The following ZNF268 variants were observed in gnomAD, a reference collection of about 807,000 sequenced individuals.
ZNF268 encodes the protein zinc finger protein 268.
ZNF268 carries 20 observed loss-of-function variants against 29.3 expected under a neutral mutation model. The observed-to-expected ratio is 0.68, with a 90% CI of 0.48 to 0.99. The LOEUF is 0.99. Among genes scored for constraint, ZNF268 ranks in the 50% least tolerant of loss-of-function variants. The probability of loss-of-function intolerance (pLI) is 0.00; values close to 1 mark genes in which losing one functional copy is unlikely to be tolerated. For synonymous variants in ZNF268, 429 were observed against 376.9 expected, an observed-to-expected ratio of 1.14 and a Z score of -1.60; for missense variants, 1,240 against 1,121.6, an observed-to-expected ratio of 1.11 and a Z score of -1.51.
chr12:133,200,599 G>T (rs1001642832), intron 5 of ZNF268, among the ~76,000 whole-genome samples: 1 of 151,672 alleles, frequency 6.6e-6, no homozygotes, highest in African/African-American at 2.4e-5. Context: ...GTTGTTTTGG[G>T]GCATCTATCT....
rs1332613482 is a variant in ZNF268 at position 133,202,328 on chromosome 12, T to A, written c.642T>A (p.Asp214Glu). 1 of 1,611,820 alleles carries A rather than the reference T, an allele frequency of 6.2e-7. No homozygotes were observed. Among genetic ancestry groups the A allele is most frequent in the Non-Finnish European group, 8.5e-7 (1 of 1,179,002 alleles). ...GTHGKSLKYIDFTSDYARNNP... is the reference protein window; with the variant it reads ...GTHGKSLKYIEFTSDYARNNP... ...ATGGAAAGAGTTTGAAATATATAGA[T>A]TTCACTAGTGATTATGCTAGAAATA... is the stretch of plus-strand genomic sequence containing the variant. The change falls in exon 6 of 6, where the codon GAT (aspartate) becomes GAA (glutamate). Residue 214 changes from aspartate (D) to glutamate (E), a missense_variant. Asp to Glu is a conservative substitution (Grantham distance 45). Transcript: ENST00000536435.
intron 5 of ZNF268, among the ~76,000 whole-genome samples, chr12:133,198,207 TTGTATAAGG>T (rs1380236183): frequency 6.7e-6 from 1 of 148,232 alleles, no homozygotes; most frequent in Non-Finnish European, 1.5e-5. Context: ...GAATTGATTT[TTGTATAAGG>T]TGTAAGGAAG....
Position 133,200,225 on chromosome 12 carries a change from G to C in ZNF268, c.458-1919G>C, listed in dbSNP as rs551836407. 3.9e-5 allele frequency among the ~76,000 whole-genome samples: 6 copies of C among 152,230 alleles called. No individual in the cohort carries two copies. In the South Asian group the frequency reaches 1.2e-3, roughly 32 times the overall value. On this transcript the variant is annotated intron_variant, in intron 5 of 5. Coordinates refer to ENST00000536435, the MANE Select transcript of ZNF268 (RefSeq NM_003415.3). ...TGTGTCCCAGAGATTCTGGTATGTT[G>C]TGTCTTTGTTCTCATTGGTTTCAAA...
At position 133,202,143 on chromosome 12, in the gene ZNF268, G is replaced by T; in HGVS notation, c.458-1G>T. 1 of 1,570,962 alleles carries T rather than the reference G, an allele frequency of 6.4e-7. No homozygotes were observed. Reference sequence around the variant, plus strand: ...ATGTGACCAATTGTTCTCATTTCTAGACACAGTCTGGAAAATTGATGATCT... The same window carrying T: ...ATGTGACCAATTGTTCTCATTTCTATACACAGTCTGGAAAATTGATGATCT... On this transcript the variant is annotated splice_acceptor_variant, in intron 5 of 5. Transcript: ENST00000536435. LOFTEE classifies it high-confidence loss of function.
chr12:133,204,716 A>C lies in ZNF268; in HGVS notation c.*186A>C, dbSNP rs1218796498. ...TGTTCTTTACATGCAAAAAGATAGT[A>C]GACAATACACAGGAAAACTGAATTT... On this transcript the variant is annotated 3_prime_UTR_variant, in exon 6 of 6. Coordinates refer to ENST00000536435, the MANE Select transcript of ZNF268 (RefSeq NM_003415.3). The C allele has an allele frequency of 2.9e-5, 14 of 484,516 alleles. No individual in the cohort carries two copies. Among genetic ancestry groups the C allele is most frequent in the East Asian group, 1.6e-4 (5 of 31,094 alleles). 30.0% of individuals were successfully genotyped at this position (484,516 alleles called of 1,614,324 possible). A position where few individuals can be genotyped will look rare whatever the true frequency, so the allele number is the denominator to read the frequency against.
At chr12:133,181,740 T>A (rs1344241460) in intron 1 of ZNF268, 54 bp downstream of exon 1, 1 of 542,516 alleles carries the variant, frequency 1.8e-6, no homozygotes, top group Non-Finnish European at 3.3e-6. Context: ...CTAATCTGCC[T>A]TAGCTCTCTC....
At chr12:133,196,821 A>G (rs1278098686) in intron 5 of ZNF268, among the ~76,000 whole-genome samples, 1 of 152,036 alleles carries the variant, frequency 6.6e-6, no homozygotes, top group Non-Finnish European at 1.5e-5. Context: ...CCCAGTGGGG[A>G]ATTGATGTTT....
intron 5 of ZNF268, among the ~76,000 whole-genome samples, chr12:133,201,871 TC>T (rs1350979503): frequency 6.6e-6 from 1 of 152,118 alleles, no homozygotes; most frequent in African/African-American, 2.4e-5. Flanking sequence ...CTTTTAAACT[TC>T]TTATCAGTTT....
At position 133,211,379 on chromosome 12, in the gene ZNF268, C is replaced by T. The variant is rs1172713490; in HGVS notation, c.*6849C>T. 1.8e-5 allele frequency: 5 copies of T among 282,490 alleles called. No individual in the cohort carries two copies. The highest frequency in any genetic ancestry group is 9.7e-5 in the Admixed American group (2 of 20,574). 17.5% of individuals were successfully genotyped at this position (282,490 alleles called of 1,614,324 possible). ...GGCAGATCACCTGAGGTCCGGAGTT[C>T]GAGACCAGCCTGACCAACATGGAGA... On this transcript the variant is annotated 3_prime_UTR_variant, in exon 6 of 6. Transcript: ENST00000536435.
Position 133,211,247 on chromosome 12 carries a change from A to G in ZNF268, c.*6717A>G. On this transcript the variant is annotated 3_prime_UTR_variant, in exon 6 of 6. Coordinates refer to ENST00000536435, the MANE Select transcript of ZNF268 (RefSeq NM_003415.3). Reference sequence around the variant, plus strand: ...TAAAATTGAACAAGAAGACAACCCAATTAAAAATGGGGACAGATCCAAATA... The same window carrying G: ...TAAAATTGAACAAGAAGACAACCCAGTTAAAAATGGGGACAGATCCAAATA... 2.8e-6 allele frequency: 1 copy of G among 355,708 alleles called. No homozygotes were observed. Among genetic ancestry groups the G allele is most frequent in the South Asian group, 2.2e-5 (1 of 46,066 alleles). 22.0% of individuals were successfully genotyped at this position (355,708 alleles called of 1,614,324 possible). A position where few individuals can be genotyped will look rare whatever the true frequency, so the allele number is the denominator to read the frequency against.
rs1956907138 is a variant in ZNF268, at chr12:133,206,860, A to G, written c.*2330A>G. Reference sequence around the variant, plus strand: ...TATCCCCCAATCTGGGAAATACTGTAAAGGTGTATATTATTATTGATGTAC... The same window carrying G: ...TATCCCCCAATCTGGGAAATACTGTGAAGGTGTATATTATTATTGATGTAC... On this transcript the variant is annotated 3_prime_UTR_variant, in exon 6 of 6. Transcript: ENST00000536435. 1 of 152,238 alleles carries G rather than the reference A, an allele frequency of 6.6e-6. No homozygotes were observed. The highest frequency in any genetic ancestry group is 1.5e-5 in the Non-Finnish European group (1 of 68,058). 9.4% of individuals were successfully genotyped at this position (152,238 alleles called of 1,614,324 possible). A position where few individuals can be genotyped will look rare whatever the true frequency, so the allele number is the denominator to read the frequency against.
intron 5 of ZNF268, among the ~76,000 whole-genome samples, chr12:133,201,150 T>G (rs535488515): frequency 6.6e-6 from 1 of 152,210 alleles, no homozygotes; most frequent in Admixed American, 6.5e-5. Flanking sequence ...TTGTTACCAT[T>G]AATGTTTTCA....
intron 2 of ZNF268, among the ~76,000 whole-genome samples, chr12:133,184,180 A>ACT (rs1346350923): frequency 6.0e-5 from 9 of 150,706 alleles, no homozygotes; most frequent in African/African-American, 2.2e-4. Flanking sequence ...ATCTTGGCTC[A>ACT]CTGCAACCTC....
At chr12:133,185,682 C>A (rs1797069592) in intron 2 of ZNF268, among the ~76,000 whole-genome samples, 1 of 151,758 alleles carries the variant, frequency 6.6e-6, no homozygotes, top group African/African-American at 2.4e-5. Context: ...TTTCCAAAGA[C>A]CCTTCTGAGT....
chr12:133,191,862 T>G, intron 4 of ZNF268, 46 bp from the exon 5 acceptor site: 1 of 1,592,306 alleles, frequency 6.3e-7, no homozygotes, highest in South Asian at 1.1e-5. Flanking sequence ...AATCTCTGAA[T>G]CTCAAGCTGT....
At position 133,203,792 on chromosome 12, in the gene ZNF268, GA is replaced by G. The variant is rs1566385526; in HGVS notation, c.2109del (p.Ala704ProfsTer12). 2 of 1,564,024 alleles carry G rather than the reference GA, an allele frequency of 1.3e-6. No homozygotes were observed. The highest frequency in any genetic ancestry group is 2.3e-5 in the East Asian group (1 of 42,688). ...AACCATATGGATGCAGTGAGTGTGG[GA>G]AAGCCTTCAGGAGCAAGTCATACCT... ...VKPYGCSECGKAFRSKSYLII... is the reference protein window; with the variant it reads ...VKPYGCSECGXAFRSKSYLII... On this transcript the variant is annotated frameshift_variant, in exon 6 of 6. Coordinates refer to ENST00000536435, the MANE Select transcript of ZNF268 (RefSeq NM_003415.3). LOFTEE classifies it low-confidence loss of function (END_TRUNC).
chr12:133,199,803 A>T (rs1956706332), intron 5 of ZNF268, among the ~76,000 whole-genome samples: 1 of 151,982 alleles, frequency 6.6e-6, no homozygotes, highest in South Asian at 2.1e-4. Context: ...ATTTCTTTAG[A>T]TTTTCTAGTT....
chr12:133,192,417 A>G (rs755418850), intron 5 of ZNF268, among the ~76,000 whole-genome samples: 1 of 147,360 alleles, frequency 6.8e-6, no homozygotes, highest in Non-Finnish European at 1.5e-5. Flanking sequence ...CTTACCATCC[A>G]CTCTTAATCT....
intron 5 of ZNF268, chr12:133,193,546 G>C (rs758645537): frequency 3.0e-6 from 2 of 661,484 alleles, no homozygotes; most frequent in Non-Finnish European, 5.4e-6. Flanking sequence ...GAGGAACACT[G>C]TGGGACAGAA....
Sources: gnomAD v4.1 joint callset for allele counts (sites outside exome capture counted in the v4.1 genomes callset) on GRCh38, gnomAD v4.1.1 for gene constraint, MANE v1.5 for transcripts, NCBI Gene and HGNC (gene_info 2026-07-23, HGNC 2026-07-21) for gene names.